ARHGAP26: variants seen among roughly 807,000 people sequenced by gnomAD.
The protein encoded by ARHGAP26 is Rho GTPase activating protein 26, also known as rho GTPase-activating protein 26.
In ARHGAP26, 38 loss-of-function variants were observed where a neutral mutation model predicts 104.8. The ratio of observed to expected loss-of-function variants is 0.36; its 90% CI spans 0.28 to 0.48. ARHGAP26 has a LOEUF of 0.48. Ranked by LOEUF, ARHGAP26 falls within the 20% of genes least tolerant of loss-of-function variation. ARHGAP26 has a pLI of 0.99. For missense variants in ARHGAP26, 704 were observed against 947.9 expected (o/e 0.74, Z 3.38); for synonymous variants, 341 against 340.0 (o/e 1.00, Z -0.03).
At chr5:142,815,827 C>T (rs1443903963) in intron 1 of ARHGAP26, among the ~76,000 whole-genome samples, 2 of 152,148 alleles carry the variant, frequency 1.3e-5, no homozygotes, top group Non-Finnish European at 2.9e-5. Context: ...CCAGGTCTCA[C>T]TCTATCACCC....
At chr5:143,140,862 C>A (rs1252621683) in intron 19 of ARHGAP26, among the ~76,000 whole-genome samples, 3 of 152,194 alleles carry the variant, frequency 2.0e-5, no homozygotes, top group Non-Finnish European at 2.9e-5. Flanking sequence ...ATCCTAGACC[C>A]TCTCCCAGAC....
chr5:143,169,106 G>C (rs889102109), intron 20 of ARHGAP26: 1 of 152,204 alleles, frequency 6.6e-6, no homozygotes, highest in African/African-American at 2.4e-5. Flanking sequence ...TCAATCCAGG[G>C]CCTCTCTGGG....
chr5:142,872,909 G>A (rs887036454), intron 1 of ARHGAP26, among the ~76,000 whole-genome samples: 33 of 152,192 alleles, frequency 2.2e-4, no homozygotes, highest in Non-Finnish European at 4.7e-4. Flanking sequence ...GCAGTTCCCA[G>A]CCCCTCCTTC....
At chr5:143,084,045 C>A (rs908166032) in intron 17 of ARHGAP26, among the ~76,000 whole-genome samples, 1 of 152,208 alleles carries the variant, frequency 6.6e-6, no homozygotes, top group African/African-American at 2.4e-5. Flanking sequence ...ACGTCATTGA[C>A]TTTTATATGA....
chr5:143,134,491 T>G (rs1445345794), intron 19 of ARHGAP26, among the ~76,000 whole-genome samples: 1 of 152,190 alleles, frequency 6.6e-6, no homozygotes, highest in South Asian at 2.1e-4. Context: ...TACCCATTAG[T>G]GTGAGTCACA....
chr5:143,159,221 A>G (rs922600780), intron 20 of ARHGAP26, among the ~76,000 whole-genome samples: 19 of 152,210 alleles, frequency 1.2e-4, no homozygotes, highest in Non-Finnish European at 2.5e-4. Context: ...CTGCTAGTCT[A>G]AAGAGCTCCC....
In ARHGAP26 at chr5:143,134,086, C is replaced by T. The variant is rs774451783; in HGVS notation, c.1818C>T (p.Thr606=). 1.4e-5 allele frequency: 22 copies of T among 1,610,558 alleles called. No individual in the cohort carries two copies. Among genetic ancestry groups the T allele is most frequent in the East Asian group, 1.1e-4 (5 of 44,768 alleles). The part of the protein sequence containing the change: ...CSERPLTLFH[T]VQSTEKQEQR... Reference sequence around the variant, plus strand: ...AGAGGCCCCTGACGCTCTTCCACACCGTTCAGTCAACAGAGAAACGTGAGT... The same window carrying T: ...AGAGGCCCCTGACGCTCTTCCACACTGTTCAGTCAACAGAGAAACGTGAGT... Residue 606 remains threonine, a synonymous_variant, in exon 19 of 23, where the codon ACC becomes ACT. Coordinates refer to ENST00000645722, the MANE Select transcript of ARHGAP26 (RefSeq NM_001135608.3).
chr5:142,961,561 G>A (rs1393132467), intron 11 of ARHGAP26, among the ~76,000 whole-genome samples: 1 of 152,128 alleles, frequency 6.6e-6, no homozygotes, highest in East Asian at 1.9e-4. Context: ...TGGCATAATA[G>A]GGAGTAGCAC....
chr5:142,772,777 C>T (rs752483309), intron 1 of ARHGAP26: 13 of 533,350 alleles, frequency 2.4e-5, no homozygotes, highest in African/African-American at 1.5e-4. Context: ...CTCACTTGCC[C>T]GGAATGGAAC....
chr5:143,211,847 G>A (rs773002495), intron 21 of ARHGAP26, among the ~76,000 whole-genome samples: 9 of 152,118 alleles, frequency 5.9e-5, no homozygotes, highest in Non-Finnish European at 1.3e-4. Flanking sequence ...GTGCCACAGT[G>A]CCTAGTTTGT....
chr5:143,205,980 T>G (rs940321367), intron 20 of ARHGAP26, among the ~76,000 whole-genome samples: 2 of 152,238 alleles, frequency 1.3e-5, no homozygotes, highest in African/African-American at 4.8e-5. Flanking sequence ...TCACATTAGT[T>G]TGAGCCTCTC....
chr5:142,956,021 G>A (rs964592173), intron 11 of ARHGAP26, among the ~76,000 whole-genome samples: 6 of 151,656 alleles, frequency 4.0e-5, no homozygotes, highest in African/African-American at 1.5e-4. Flanking sequence ...AAGACAACAG[G>A]GAATTATCTG....
intron 14 of ARHGAP26, among the ~76,000 whole-genome samples, chr5:143,053,711 T>C (rs1785363382): frequency 6.6e-6 from 1 of 152,240 alleles, no homozygotes; most frequent in Admixed American, 6.5e-5. Flanking sequence ...ACATTTGAGC[T>C]TAAAGCAATT....
intron 20 of ARHGAP26, among the ~76,000 whole-genome samples, chr5:143,184,523 C>T (rs1804857289): frequency 6.6e-6 from 1 of 152,132 alleles, no homozygotes; most frequent in Admixed American, 6.6e-5. Flanking sequence ...CATTCCCTTG[C>T]TATAATTCAG....
intron 1 of ARHGAP26, among the ~76,000 whole-genome samples, chr5:142,863,945 C>T (rs1204577535): frequency 4.6e-5 from 7 of 152,116 alleles, no homozygotes; most frequent in Admixed American, 4.6e-4. Flanking sequence ...TTGAGCAGAA[C>T]AGAACTGCTG....
chr5:143,012,985 T>A (rs1419964028), intron 11 of ARHGAP26, among the ~76,000 whole-genome samples: 1 of 152,084 alleles, frequency 6.6e-6, no homozygotes, highest in African/African-American at 2.4e-5. Flanking sequence ...AGAGGTTTCA[T>A]CTTGTTTAAT....
At position 143,177,751 on chromosome 5, in the gene ARHGAP26, T is replaced by A. The variant is rs78014518; in HGVS notation, c.1989-29447T>A. ...TCATAGCACTTGGCATACTGTACTA[T>A]AGTTGCCCATTTTCTTCTCTGATTC... On this transcript the variant is annotated intron_variant, in intron 20 of 22. Transcript: ENST00000645722. 8.9e-3 allele frequency among the ~76,000 whole-genome samples: 1,352 copies of A among 152,320 alleles called. 19 individuals carry two copies. Among genetic ancestry groups the A allele is most frequent in the African/African-American group, 0.029 (1,203 of 41,578 alleles).
At chr5:142,817,194 C>T (rs1450901469) in intron 1 of ARHGAP26, among the ~76,000 whole-genome samples, 2 of 151,982 alleles carry the variant, frequency 1.3e-5, no homozygotes, top group Non-Finnish European at 2.9e-5. Context: ...ATCAGGAACT[C>T]AGGCAGAGAA....
chr5:143,145,021 A>G (rs533188244), intron 19 of ARHGAP26, among the ~76,000 whole-genome samples: 1 of 152,324 alleles, frequency 6.6e-6, no homozygotes, highest in South Asian at 2.1e-4. Flanking sequence ...AGCAAGGGAT[A>G]CCAATAAAGA....
Sources: gnomAD v4.1 joint callset for allele counts (sites outside exome capture counted in the v4.1 genomes callset) on GRCh38, gnomAD v4.1.1 for gene constraint, MANE v1.5 for transcripts, NCBI Gene and HGNC (gene_info 2026-07-23, HGNC 2026-07-21) for gene names.